The following XDH variants were observed in gnomAD, a reference collection of about 807,000 sequenced individuals.
The protein encoded by XDH is xanthine dehydrogenase/oxidase.
Under a neutral mutation model 156.1 loss-of-function variants are expected in XDH, and 138 were observed. The ratio of observed to expected loss-of-function variants is 0.88; its 90% CI spans 0.77 to 1.02. XDH has a LOEUF of 1.02. XDH is among the 50% of genes least tolerant of loss of function. The pLI, the probability that XDH is intolerant of heterozygous loss-of-function variation, is 0.00. For synonymous variants in XDH, 669 were observed against 625.7 expected, an observed-to-expected ratio of 1.07 and a Z score of -1.03; for missense variants, 1,849 against 1,684.9, an observed-to-expected ratio of 1.10 and a Z score of -1.71.
At chr2:31,397,359 G>A (rs1034619353) in intron 6 of XDH, among the ~76,000 whole-genome samples, 3 of 152,216 alleles carry the variant, frequency 2.0e-5, no homozygotes, top group African/African-American at 7.2e-5. Context: ...CAGTCTCCAA[G>A]GGAAAGCTGC....
Position 31,337,836 on chromosome 2 carries a change from C to G in XDH, c.3775-19G>C. 1 of 1,612,998 alleles carries G rather than the reference C, an allele frequency of 6.2e-7. No individual in the cohort carries two copies. Among genetic ancestry groups the G allele is most frequent in the South Asian group, 1.1e-5 (1 of 90,866 alleles). On this transcript the variant is annotated intron_variant, in intron 34 of 35. Transcript: ENST00000379416. ...CAACAGCCTGAACACAGACAGGGCACAGGGCAGGGGCTCAGGCAGGTGGTC... is the reference window on the plus strand; with the variant it reads ...CAACAGCCTGAACACAGACAGGGCAGAGGGCAGGGGCTCAGGCAGGTGGTC...
intron 30 of XDH, 84 bp downstream of exon 30, chr2:31,346,685 A>G (rs1685303359): frequency 2.7e-6 from 4 of 1,505,174 alleles, no homozygotes; most frequent in East Asian, 2.3e-5. Flanking sequence ...ATTGTCTCCT[A>G]TTACTTGTTC....
intron 13 of XDH, 115 bp downstream of exon 13, chr2:31,379,750 AAT>A (rs1214045000): frequency 1.0e-6 from 1 of 998,542 alleles, no homozygotes; most frequent in East Asian, 2.4e-5. Context: ...AAAAATCATC[AAT>A]GTAAAGGTTG....
At chr2:31,362,926 C>A (rs1685813277) in intron 24 of XDH, among the ~76,000 whole-genome samples, 1 of 152,132 alleles carries the variant, frequency 6.6e-6, no homozygotes, top group South Asian at 2.1e-4. Flanking sequence ...ACACAAATGT[C>A]CATCAAGTGG....
intron 15 of XDH, among the ~76,000 whole-genome samples, chr2:31,374,283 T>C (rs1004571197): frequency 2.0e-5 from 3 of 152,208 alleles, no homozygotes; most frequent in African/African-American, 7.2e-5. Context: ...TCCTCCTTCC[T>C]TGCCCTCCTC....
At chr2:31,372,997 G>A (rs1165095086) in intron 16 of XDH, among the ~76,000 whole-genome samples, 1 of 151,882 alleles carries the variant, frequency 6.6e-6, no homozygotes, top group Non-Finnish European at 1.5e-5. Context: ...TTCTGTTTTT[G>A]TTTTACAAAG....
At chr2:31,347,491 T>G in intron 29 of XDH, 31 bp downstream of exon 29, 1 of 1,612,772 alleles carries the variant, frequency 6.2e-7, no homozygotes, top group South Asian at 1.1e-5. Context: ...GGGCTGGCCC[T>G]CTGCTCTGCG....
At chr2:31,400,236 CTTTT>C (rs34200607) in intron 4 of XDH, among the ~76,000 whole-genome samples, 11 of 124,682 alleles carry the variant, frequency 8.8e-5, no homozygotes, top group Admixed American at 2.5e-4. Flanking sequence ...CTGGTAACTT[CTTTT>C]TTTTTTTTTT....
intron 24 of XDH, among the ~76,000 whole-genome samples, chr2:31,355,872 A>G (rs899009975): frequency 2.0e-5 from 3 of 152,324 alleles, no homozygotes; most frequent in African/African-American, 7.2e-5. Flanking sequence ...ACTGTCTTCA[A>G]GAAAATCACT....
At chr2:31,365,618 A>T (rs1685893199) in intron 22 of XDH, 74 bp from the exon 23 acceptor site, 1 of 1,563,578 alleles carries the variant, frequency 6.4e-7, no homozygotes, top group African/African-American at 1.4e-5. Flanking sequence ...TCAGAATAAA[A>T]ACAGCCGGGA....
intron 3 of XDH, 101 bp from the exon 4 acceptor site, chr2:31,401,429 G>T: frequency 8.5e-7 from 1 of 1,174,124 alleles, no homozygotes; most frequent in South Asian, 1.3e-5. Context: ...TTTATGTTAC[G>T]TCTCTCCGCT....
At position 31,391,817 on chromosome 2, in the gene XDH, A is replaced by T. The variant is rs1039740204; in HGVS notation, c.496-3522T>A. On this transcript the variant is annotated intron_variant, in intron 6 of 35. Transcript: ENST00000379416. ...AGTTCCACTTATACATTGCTGTTACATATGAAAGTGATTAACTTTTGTATT... is the reference window on the plus strand; with the variant it reads ...AGTTCCACTTATACATTGCTGTTACTTATGAAAGTGATTAACTTTTGTATT... 4.6e-5 allele frequency among the ~76,000 whole-genome samples: 7 copies of T among 152,356 alleles called. No homozygotes were observed. In the South Asian group the frequency reaches 1.4e-3, roughly 32 times the overall value.
chr2:31,407,262 A>G (rs1687218338), intron 1 of XDH, among the ~76,000 whole-genome samples: 1 of 152,148 alleles, frequency 6.6e-6, no homozygotes, highest in Non-Finnish European at 1.5e-5. Flanking sequence ...AATACCGACA[A>G]TGACAAGTTT....
intron 23 of XDH, 25 bp downstream of exon 23, chr2:31,365,432 C>G: frequency 6.2e-7 from 1 of 1,613,790 alleles, no homozygotes; most frequent in Non-Finnish European, 8.5e-7. Context: ...TCATCCCGCC[C>G]CAGCACAGCC....
intron 1 of XDH, among the ~76,000 whole-genome samples, chr2:31,409,436 A>C (rs905673226): frequency 6.6e-6 from 1 of 152,066 alleles, no homozygotes; most frequent in Non-Finnish European, 1.5e-5. Context: ...ACCCCCAAAA[A>C]TTAAAAATTA....
chr2:31,378,488 G>A (rs570783872), intron 13 of XDH, among the ~76,000 whole-genome samples: 1 of 152,120 alleles, frequency 6.6e-6, no homozygotes, highest in African/African-American at 2.4e-5. Flanking sequence ...CCACAGTTGA[G>A]GCCCCCAAAT....
intron 13 of XDH, 95 bp from the exon 14 acceptor site, chr2:31,377,332 G>A: frequency 2.2e-6 from 3 of 1,367,968 alleles, no homozygotes; most frequent in Non-Finnish European, 2.1e-6. Context: ...TGAGGTGAGG[G>A]GATAACACCA....
intron 16 of XDH, among the ~76,000 whole-genome samples, chr2:31,373,578 CAAG>C (rs1292607613): frequency 6.6e-6 from 1 of 151,138 alleles, no homozygotes; most frequent in Non-Finnish European, 1.5e-5. Flanking sequence ...TTAGCATACT[CAAG>C]AAGACGTCTG....
At chr2:31,341,491 C>A in intron 32 of XDH, 97 bp from the exon 33 acceptor site, 1 of 1,264,324 alleles carries the variant, frequency 7.9e-7, no homozygotes, top group South Asian at 1.3e-5. Flanking sequence ...CAAGTGCCAA[C>A]CAAAGAGTAC....
Sources: allele counts gnomAD v4.1 joint callset (sites outside exome capture counted in the v4.1 genomes callset), GRCh38; gene constraint gnomAD v4.1.1; transcripts MANE v1.5; gene names NCBI Gene and HGNC (gene_info 2026-07-23, HGNC 2026-07-21).